MYO1F: variants seen among roughly 807,000 people sequenced by gnomAD.
MYO1F encodes the protein unconventional myosin-If.
MYO1F carries 60 observed loss-of-function variants against 146.6 expected under a neutral mutation model. The ratio of observed to expected loss-of-function variants is 0.41; its 90% CI spans 0.33 to 0.51. The LOEUF (loss-of-function observed/expected upper bound fraction) is 0.51. Ranked by LOEUF, MYO1F falls within the 20% of genes least tolerant of loss-of-function variation. MYO1F has a pLI of 0.25. For synonymous variants in MYO1F, 602 were observed against 602.1 expected (o/e 1.00, Z 0.00); for missense variants, 1,274 against 1,534.3 (o/e 0.83, Z 2.83).
chr19:8,572,183 G>C (rs551105039), intron 1 of MYO1F, among the ~76,000 whole-genome samples: 1 of 152,154 alleles, frequency 6.6e-6, no homozygotes, highest in Non-Finnish European at 1.5e-5. Flanking sequence ...GATCCTCTGG[G>C]ATGTGGTCCC....
chr19:8,526,728 G>T (rs1972285915), intron 23 of MYO1F, 61 bp downstream of exon 23: 16 of 1,544,784 alleles, frequency 1.0e-5, no homozygotes, highest in Non-Finnish European at 1.3e-5. Flanking sequence ...TCGGTGGGGC[G>T]GGAGAGGGTG....
chr19:8,537,099 G>C, intron 16 of MYO1F, 44 bp from the exon 17 acceptor site: 1 of 1,325,482 alleles, frequency 7.5e-7, no homozygotes, highest in East Asian at 2.4e-5. Context: ...CACAGAGATG[G>C]GACCCTCTGG....
chr19:8,526,535 G>A lies in MYO1F; in HGVS notation c.2688C>T (p.Arg896=), dbSNP rs762338051. The change falls in exon 24 of 28, where the codon CGC becomes CGT. Residue 896 remains arginine, a synonymous_variant. Coordinates refer to ENST00000644032, the MANE Select transcript of MYO1F (RefSeq NM_012335.4). The part of the protein sequence containing the change: ...GGGTRSVTFS[R]GFGDLAVLKV... Reference sequence around the variant, plus strand: ...TGAGCACTGCCAAGTCGCCGAAGCCGCGGGAGAAGGTGACGCTGCGGGTGC... The same window carrying A: ...TGAGCACTGCCAAGTCGCCGAAGCCACGGGAGAAGGTGACGCTGCGGGTGC... The A allele has an allele frequency of 6.3e-7, 1 of 1,592,050 alleles. No homozygotes were observed.
chr19:8,560,990 G>A (rs927701198), intron 1 of MYO1F, among the ~76,000 whole-genome samples: 4 of 151,308 alleles, frequency 2.6e-5, no homozygotes, highest in Admixed American at 1.3e-4. Context: ...GCCCGCCTCG[G>A]CCTCCCAAAG....
intron 14 of MYO1F, among the ~76,000 whole-genome samples, chr19:8,543,702 G>C (rs76246227): frequency 0.042 from 753 of 17,750 alleles, 35 homozygotes; most frequent in East Asian, 0.09. Flanking sequence ...GGTGGTGGTG[G>C]TGGTGCTGGT....
intron 19 of MYO1F, among the ~76,000 whole-genome samples, chr19:8,533,151 A>C (rs1466502273): frequency 6.7e-6 from 1 of 148,176 alleles, no homozygotes; most frequent in African/African-American, 2.5e-5. Context: ...GGATCCTCCC[A>C]CCTCAGCCAC....
chr19:8,574,946 G>A (rs2042210205), intron 1 of MYO1F, among the ~76,000 whole-genome samples: 1 of 151,552 alleles, frequency 6.6e-6, no homozygotes, highest in Admixed American at 6.6e-5. Context: ...AGTAGAGACA[G>A]GGTTTTGCCA....
chr19:8,543,699 G>A (rs560086044), intron 14 of MYO1F, among the ~76,000 whole-genome samples: 2 of 19,038 alleles, frequency 1.1e-4, no homozygotes, highest in African/African-American at 3.9e-4. Flanking sequence ...GGTGGTGGTG[G>A]TGGTGGTGCT....
chr19:8,553,868 TCACACACACACACACA>T (rs374157870), intron 4 of MYO1F, among the ~76,000 whole-genome samples: 1 of 121,516 alleles, frequency 8.2e-6, no homozygotes, highest in African/African-American at 3.4e-5. Context: ...TGAGACTCTG[TCACACACACACACACA>T]CACACACACA....
intron 13 of MYO1F, 27 bp from the exon 14 acceptor site, chr19:8,544,491 G>T: frequency 6.3e-7 from 1 of 1,597,766 alleles, no homozygotes; most frequent in Non-Finnish European, 8.5e-7. Flanking sequence ...AGCCAGCAGC[G>T]GCTCAGTTTG....
chr19:8,553,078 T>C, intron 6 of MYO1F, 61 bp downstream of exon 6: 3 of 1,443,458 alleles, frequency 2.1e-6, no homozygotes, highest in Non-Finnish European at 2.9e-6. Flanking sequence ...TGTGTGGGTG[T>C]GTGTGTAGAA....
intron 14 of MYO1F, among the ~76,000 whole-genome samples, chr19:8,543,741 G>C (rs59742577): frequency 8.6e-5 from 1 of 11,572 alleles, no homozygotes; most frequent in African/African-American, 4.5e-4. Flanking sequence ...GGTGCTGGTG[G>C]TGCTGGTGGT....
chr19:8,544,080 G>C, intron 14 of MYO1F: 1 of 608,188 alleles, frequency 1.6e-6, no homozygotes, highest in East Asian at 2.8e-5. Context: ...GTCCAGACAA[G>C]TTTGGGGCTT....
At chr19:8,523,050 G>T (rs542364324) in intron 25 of MYO1F, among the ~76,000 whole-genome samples, 13 of 130,430 alleles carry the variant, frequency 1.0e-4, no homozygotes, top group African/African-American at 2.9e-4. Flanking sequence ...TTTTTTTTTT[G>T]AGATGGAGTC....
At chr19:8,542,286 C>T (rs900205127) in intron 14 of MYO1F, among the ~76,000 whole-genome samples, 16 of 135,768 alleles carry the variant, frequency 1.2e-4, no homozygotes, top group African/African-American at 4.5e-4. Flanking sequence ...GAGAGAGCTG[C>T]AGCTTGCATC....
rs1335184271 is a variant in MYO1F at position 8,574,577 on chromosome 19, T to TTCTTTCTTTC, written c.3+2729_3+2730insGAAAGAAAGA. On this transcript the variant is annotated intron_variant, in intron 1 of 27. Coordinates refer to ENST00000644032, the MANE Select transcript of MYO1F (RefSeq NM_012335.4). ...TTTCTTTCTTTCTTTCTTTCTTTCT[T>TTCTTTCTTTC]TCTCTCTCTCTCTCTCTCTCTTTCT... is the stretch of plus-strand genomic sequence containing the variant. Among the ~76,000 whole-genome samples the TTCTTTCTTTC allele has an allele frequency of 2.7e-3, 212 of 79,612 alleles. 1 individual carries two copies. The highest frequency in any genetic ancestry group is 0.01 in the South Asian group (21 of 2,078). The allele number at this position is 79,612 out of a possible 152,430, so 52.2% of individuals were successfully genotyped here.
rs114882772 is a variant in MYO1F, at chr19:8,546,011, C to T, written c.1270-275G>A. Among the ~76,000 whole-genome samples the T allele has an allele frequency of 8.1e-3, 1,222 of 151,332 alleles. 10 individuals carry two copies. Among genetic ancestry groups the T allele is most frequent in the African/African-American group, 0.027 (1,130 of 41,220 alleles). On this transcript the variant is annotated intron_variant, in intron 12 of 27. Coordinates refer to ENST00000644032, the MANE Select transcript of MYO1F (RefSeq NM_012335.4). ...CTCGAGTCCCAGTGCAGTTGCATTC[C>T]GGTTGTCCACAGCATAACGTGCTCA...
In MYO1F at chr19:8,553,728, C is replaced by T. The variant is rs575541675; in HGVS notation, c.327-291G>A. 1.2e-4 allele frequency among the ~76,000 whole-genome samples: 18 copies of T among 151,874 alleles called. No individual in the cohort carries two copies. The South Asian group carries it at 2.5e-3, about 21-fold the overall frequency. The stretch of plus-strand genomic sequence containing the variant: ...TCTCTACTAAAATACAAAAATTAGC[C>T]GGACATGGTGGTGGGCGCCTGTAAT... On this transcript the variant is annotated intron_variant, in intron 4 of 27. Transcript: ENST00000644032.
At chr19:8,531,339 C>T (rs546018190) in intron 19 of MYO1F, among the ~76,000 whole-genome samples, 1 of 152,216 alleles carries the variant, frequency 6.6e-6, no homozygotes, top group Non-Finnish European at 1.5e-5. Flanking sequence ...AAGAGCAAAA[C>T]TTCATCTCAA....
Sources: gnomAD v4.1 joint callset for allele counts (sites outside exome capture counted in the v4.1 genomes callset) on GRCh38, gnomAD v4.1.1 for gene constraint, MANE v1.5 for transcripts, NCBI Gene and HGNC (gene_info 2026-07-23, HGNC 2026-07-21) for gene names.